SOX5: variants seen among roughly 807,000 people sequenced by gnomAD.
SOX5 encodes SRY-box transcription factor 5.
Under a neutral mutation model 92.0 loss-of-function variants are expected in SOX5, and 9 were observed. The observed-to-expected ratio is 0.10, with a 90% CI of 0.06 to 0.17. The LOEUF (loss-of-function observed/expected upper bound fraction) is 0.17, where lower values mean the gene tolerates loss of function less well. Among genes scored for constraint, SOX5 ranks in the 10% least tolerant of loss-of-function variants. The probability of loss-of-function intolerance (pLI) is 1.00; values close to 1 mark genes in which losing one functional copy is unlikely to be tolerated. For missense variants in SOX5, 642 were observed against 944.5 expected (o/e 0.68, Z 4.20); for synonymous variants, 344 against 336.3 (o/e 1.02, Z -0.25).
chr12:24,000,624 G>A (rs531137179), intron 4 of SOX5, among the ~76,000 whole-genome samples: 1 of 152,120 alleles, frequency 6.6e-6, no homozygotes, highest in South Asian at 2.1e-4. Context: ...TACAAAGAAA[G>A]CAATAAAGGA....
At chr12:24,080,530 T>C (rs1943200063) in intron 4 of SOX5, among the ~76,000 whole-genome samples, 1 of 152,038 alleles carries the variant, frequency 6.6e-6, no homozygotes, top group Non-Finnish European at 1.5e-5. Flanking sequence ...ACAAATATAA[T>C]TTTTATCTGC....
chr12:23,920,182 T>C (rs1937727856), intron 1 of SOX5: 1 of 152,332 alleles, frequency 6.6e-6, no homozygotes, highest in Non-Finnish European at 1.5e-5. Flanking sequence ...TTTAATAAAC[T>C]TCGAAATAGA....
chr12:24,523,584 T>C (rs1198734513), intron 1 of SOX5, among the ~76,000 whole-genome samples: 1 of 152,188 alleles, frequency 6.6e-6, no homozygotes, highest in Non-Finnish European at 1.5e-5. Flanking sequence ...GTAGGAAATT[T>C]GCACATATAC....
At chr12:23,976,621 A>T (rs1948944387) in intron 4 of SOX5, among the ~76,000 whole-genome samples, 1 of 152,148 alleles carries the variant, frequency 6.6e-6, no homozygotes, top group Non-Finnish European at 1.5e-5. Flanking sequence ...TTGCGATGTG[A>T]TGTGGAAGTC....
intron 6 of SOX5, among the ~76,000 whole-genome samples, chr12:23,673,791 G>T (rs2085195038): frequency 6.6e-6 from 1 of 152,012 alleles, no homozygotes; most frequent in Non-Finnish European, 1.5e-5. Flanking sequence ...CACAGGTAAT[G>T]GGTATAAGGT....
At chr12:24,346,513 G>A (rs1337904765) in intron 2 of SOX5, among the ~76,000 whole-genome samples, 11 of 149,830 alleles carry the variant, frequency 7.3e-5, no homozygotes, top group East Asian at 3.9e-4. Context: ...GTGCAGTGGC[G>A]TGATATCAGC....
At chr12:23,774,137 C>T (rs2095027073) in intron 3 of SOX5, among the ~76,000 whole-genome samples, 3 of 152,140 alleles carry the variant, frequency 2.0e-5, no homozygotes, top group African/African-American at 7.2e-5. Flanking sequence ...GGGATAGCTG[C>T]TATCATCTTC....
rs144764893 is a variant in SOX5 at position 24,361,823 on chromosome 12, C to G, written c.-174+6740G>C. On this transcript the variant is annotated intron_variant, in intron 2 of 4. Transcript: ENST00000446891. The stretch of plus-strand genomic sequence containing the variant: ...TCCCCATAGTCTAGCCTGTCTGGTA[C>G]AGCAGTCTCTCTGGGATTTCAGTTC... Among the ~76,000 whole-genome samples the G allele has an allele frequency of 2.5e-3, 384 of 152,316 alleles. 4 individuals are homozygous for G. Among genetic ancestry groups the G allele is most frequent in the African/African-American group, 8.3e-3 (347 of 41,560 alleles).
intron 3 of SOX5, among the ~76,000 whole-genome samples, chr12:23,782,736 A>G (rs1174685798): frequency 2.0e-5 from 3 of 152,144 alleles, no homozygotes; most frequent in African/African-American, 7.2e-5. Context: ...AGGAAGAGAA[A>G]TGTTTGTCAT....
intron 1 of SOX5, among the ~76,000 whole-genome samples, chr12:23,936,518 G>A (rs371580906): frequency 3.1e-4 from 47 of 150,816 alleles, no homozygotes; most frequent in African/African-American, 1.1e-3. Flanking sequence ...TGTGGTAGAA[G>A]AAGGCTAAGA....
chr12:23,904,792 T>C (rs1034250536), intron 1 of SOX5, among the ~76,000 whole-genome samples: 1 of 152,206 alleles, frequency 6.6e-6, no homozygotes, highest in Non-Finnish European at 1.5e-5. Flanking sequence ...AGTACTTCGT[T>C]ACACCTTTCC....
At chr12:23,845,150 CA>C (rs1259260993) in intron 3 of SOX5, among the ~76,000 whole-genome samples, 1 of 152,184 alleles carries the variant, frequency 6.6e-6, no homozygotes, top group Non-Finnish European at 1.5e-5. Context: ...GGTATACACG[CA>C]GTGTATTTTT....
intron 4 of SOX5, among the ~76,000 whole-genome samples, chr12:24,045,976 G>A (rs1956977026): frequency 6.6e-6 from 1 of 152,162 alleles, no homozygotes; most frequent in South Asian, 2.1e-4. Flanking sequence ...TTGTGGTCAT[G>A]TCTATCCCAA....
At chr12:24,056,692 C>T (rs950409263) in intron 4 of SOX5, among the ~76,000 whole-genome samples, 21 of 152,018 alleles carry the variant, frequency 1.4e-4, no homozygotes, top group African/African-American at 4.8e-4. Context: ...ATCAAAAATT[C>T]AGGCCGGGCG....
At chr12:24,236,647 A>C (rs1354919392) in intron 3 of SOX5, among the ~76,000 whole-genome samples, 1 of 152,236 alleles carries the variant, frequency 6.6e-6, no homozygotes, top group Non-Finnish European at 1.5e-5. Flanking sequence ...AACCAGGGAA[A>C]GATTATAAGC....
chr12:24,367,362 T>G (rs1292987527), intron 2 of SOX5, among the ~76,000 whole-genome samples: 1 of 152,202 alleles, frequency 6.6e-6, no homozygotes, highest in East Asian at 1.9e-4. Flanking sequence ...GTCCTACCAC[T>G]TTGCCAATGT....
intron 3 of SOX5, among the ~76,000 whole-genome samples, chr12:24,274,366 ACT>A (rs1565803903): frequency 6.6e-6 from 1 of 152,012 alleles, no homozygotes; most frequent in Non-Finnish European, 1.5e-5. Context: ...TTATAAAGTG[ACT>A]CTATCTCTAG....
At chr12:23,707,698 TA>T (rs1353792477) in intron 6 of SOX5, among the ~76,000 whole-genome samples, 2 of 152,166 alleles carry the variant, frequency 1.3e-5, no homozygotes, top group Non-Finnish European at 2.9e-5. Context: ...TCATTCATTT[TA>T]AGGTTACATT....
chr12:23,779,814 T>TACACACACACACACACAC (rs1555337311), intron 3 of SOX5, among the ~76,000 whole-genome samples: 1 of 110,812 alleles, frequency 9.0e-6, no homozygotes, highest in African/African-American at 3.7e-5. Flanking sequence ...TATATATATA[T>TACACACACACACACACAC]ACACACACAC....
Sources: gnomAD v4.1 joint callset for allele counts (sites outside exome capture counted in the v4.1 genomes callset) on GRCh38, gnomAD v4.1.1 for gene constraint, MANE v1.5 for transcripts, NCBI Gene and HGNC (gene_info 2026-07-23, HGNC 2026-07-21) for gene names.